The following ZBTB10 variants were observed in gnomAD, a reference collection of about 807,000 sequenced individuals.
The protein encoded by ZBTB10 is zinc finger and BTB domain-containing protein 10.
In ZBTB10, 32 loss-of-function variants were observed where a neutral mutation model predicts 76.4. The observed-to-expected ratio is 0.42, with a 90% CI of 0.32 to 0.56. ZBTB10 has a LOEUF of 0.56. ZBTB10 is among the 20% of genes least tolerant of loss of function. ZBTB10 has a pLI of 0.14. For synonymous variants in ZBTB10, 523 were observed against 432.9 expected (o/e 1.21, Z -2.58); for missense variants, 1,057 against 1,098.5 (o/e 0.96, Z 0.53).
At chr8:80,506,346 A>G (rs1470473586) in intron 2 of ZBTB10, among the ~76,000 whole-genome samples, 1 of 149,744 alleles carries the variant, frequency 6.7e-6, no homozygotes, top group Non-Finnish European at 1.5e-5. Context: ...ATAGAGTTTC[A>G]CTCTTGTTGC....
In ZBTB10 at chr8:80,487,615, C is replaced by T. The variant is rs760132755; in HGVS notation, c.805C>T (p.Leu269Phe). 143 of 1,613,810 alleles carry T rather than the reference C, an allele frequency of 8.9e-5. No individual in the cohort carries two copies. The highest frequency in any genetic ancestry group is 1.2e-4 in the Non-Finnish European group (137 of 1,179,850). ...GCTGCGCTATTCCAAGGATACTGGTCTTATGTCTTGCGGCTGGTGCCAAAA... is the reference window on the plus strand; with the variant it reads ...GCTGCGCTATTCCAAGGATACTGGTTTTATGTCTTGCGGCTGGTGCCAAAA... ...PWLRYSKDTGLMSCGWCQKTP... is the reference protein window; with the variant it reads ...PWLRYSKDTGFMSCGWCQKTP... The change falls in exon 1 of 6, where the codon CTT (leucine) becomes TTT (phenylalanine). Residue 269 changes from leucine to phenylalanine, a missense_variant. This residue lies in a region of ZBTB10 where 556 missense variants were observed against 451.7 expected (regional missense o/e 1.23). Coordinates refer to ENST00000455036, the MANE Select transcript of ZBTB10 (RefSeq NM_001105539.3).
intron 1 of ZBTB10, among the ~76,000 whole-genome samples, chr8:80,488,300 A>C (rs1156601096): frequency 1.3e-5 from 2 of 152,234 alleles, no homozygotes; most frequent in African/African-American, 4.8e-5. Context: ...AAATAATGTC[A>C]AGTATGAGAG....
At chr8:80,490,385 G>T (rs554275810) in intron 1 of ZBTB10, among the ~76,000 whole-genome samples, 1 of 152,128 alleles carries the variant, frequency 6.6e-6, no homozygotes, top group South Asian at 2.1e-4. Flanking sequence ...ACAGGTGCGC[G>T]CCACCATTCC....
chr8:80,485,995 C>T, upstream of ZBTB10: 3 of 1,161,910 alleles, frequency 2.6e-6, no homozygotes, highest in South Asian at 4.6e-5. Flanking sequence ...GACCCCCAGC[C>T]CGCCGCCCGG....
At chr8:80,493,193 A>ATGCGCGCGCGCG (rs1491520799) in intron 1 of ZBTB10, among the ~76,000 whole-genome samples, 53 of 124,388 alleles carry the variant, frequency 4.3e-4, no homozygotes, top group African/African-American at 6.8e-4. Context: ...GTGCCTCAAA[A>ATGCGCGCGCGCG]CGCGCGCGCG....
intron 2 of ZBTB10, among the ~76,000 whole-genome samples, chr8:80,508,022 A>T (rs886808816): frequency 6.6e-6 from 1 of 152,250 alleles, no homozygotes; most frequent in African/African-American, 2.4e-5. Flanking sequence ...GTGAAATAGT[A>T]GTCTGCCACT....
rs1309504694 is a variant in ZBTB10 at position 80,520,302 on chromosome 8, G to A, written c.*774G>A. On this transcript the variant is annotated 3_prime_UTR_variant, in exon 6 of 6. Transcript: ENST00000455036. ...CCACTAAAATGATTATGATTTAGAA[G>A]TAACTTTCTTCTGCTGCTCTAATCT... The A allele has an allele frequency of 6.6e-6, 1 of 152,606 alleles. No individual in the cohort carries two copies. Among genetic ancestry groups the A allele is most frequent in the South Asian group, 2.1e-4 (1 of 4,822 alleles). 9.5% of individuals were successfully genotyped at this position (152,606 alleles called of 1,614,324 possible).
At chr8:80,510,800 G>C (rs1310667754) in intron 2 of ZBTB10, among the ~76,000 whole-genome samples, 1 of 152,148 alleles carries the variant, frequency 6.6e-6, no homozygotes, top group African/African-American at 2.4e-5. Context: ...TTTAAATGAA[G>C]CATAAGATTC....
At chr8:80,499,019 A>G (rs1463485341) in intron 1 of ZBTB10, among the ~76,000 whole-genome samples, 1 of 152,238 alleles carries the variant, frequency 6.6e-6, no homozygotes, top group Admixed American at 6.5e-5. Flanking sequence ...AATGTTTGCC[A>G]AGACTTAAAA....
rs1815450097 is a variant in ZBTB10 at position 80,486,387 on chromosome 8, G to A, written c.-424G>A. The A allele has an allele frequency of 7.1e-6, 7 of 990,476 alleles. No homozygotes were observed. Among genetic ancestry groups the A allele is most frequent in the Non-Finnish European group, 8.4e-6 (7 of 834,138 alleles). The allele number at this position is 990,476 out of a possible 1,614,324, so 61.4% of individuals were successfully genotyped here. On this transcript the variant is annotated 5_prime_UTR_variant, in exon 1 of 6. Coordinates refer to ENST00000455036, the MANE Select transcript of ZBTB10 (RefSeq NM_001105539.3). Reference sequence around the variant, plus strand: ...CGGGACTCCTCGGCGCGCGGAGGAAGGATATCTGTGTGGAGGATCGGTGTG... The same window carrying A: ...CGGGACTCCTCGGCGCGCGGAGGAAAGATATCTGTGTGGAGGATCGGTGTG...
intron 2 of ZBTB10, among the ~76,000 whole-genome samples, chr8:80,505,208 C>G: frequency 6.6e-6 from 1 of 152,114 alleles, no homozygotes; most frequent in Non-Finnish European, 1.5e-5. Flanking sequence ...TTAATTGGCT[C>G]TAAGATACAA....
At chr8:80,506,510 GT>G (rs576909508) in intron 2 of ZBTB10, among the ~76,000 whole-genome samples, 2 of 149,294 alleles carry the variant, frequency 1.3e-5, no homozygotes, top group African/African-American at 2.5e-5. Flanking sequence ...GACGAGACGG[GT>G]TTTTTTCATG....
Position 80,486,826 on chromosome 8 carries a change from A to G in ZBTB10, c.16A>G (p.Met6Val). The change falls in exon 1 of 6, where the codon ATG becomes GTG. Residue 6 changes from methionine (M) to valine (V), a missense_variant. By Grantham distance (21) the Met-to-Val change is conservative. Around this residue, in one of 5 missense-constraint regions of ZBTB10, gnomAD observed 556 missense variants for 451.7 expected, o/e 1.23. Coordinates refer to ENST00000455036, the MANE Select transcript of ZBTB10 (RefSeq NM_001105539.3). MSFSEMNRRTLAFRGG... is the reference protein window; with the variant it reads MSFSEVNRRTLAFRGG... ...GGCGCGCGCCATGTCGTTCAGTGAAATGAACCGCAGGACGCTGGCGTTCCG... is the reference window on the plus strand; with the variant it reads ...GGCGCGCGCCATGTCGTTCAGTGAAGTGAACCGCAGGACGCTGGCGTTCCG... 6.7e-7 allele frequency: 1 copy of G among 1,483,252 alleles called. No homozygotes were observed. The highest frequency in any genetic ancestry group is 8.9e-7 in the Non-Finnish European group (1 of 1,119,926). 91.9% of individuals were successfully genotyped at this position (1,483,252 alleles called of 1,614,324 possible).
intron 1 of ZBTB10, among the ~76,000 whole-genome samples, chr8:80,496,818 T>A (rs2131484609): frequency 6.6e-6 from 1 of 152,342 alleles, no homozygotes; most frequent in East Asian, 1.9e-4. Context: ...AAACAGTTCA[T>A]AGATATATGC....
At chr8:80,503,945 A>G (rs191970667) in intron 2 of ZBTB10, among the ~76,000 whole-genome samples, 93 of 152,342 alleles carry the variant, frequency 6.1e-4, no homozygotes, top group African/African-American at 2.1e-3. Flanking sequence ...TCTTGTGATG[A>G]ATACACACAA....
At chr8:80,510,646 GTGT>G (rs367843588) in intron 2 of ZBTB10, among the ~76,000 whole-genome samples, 7,231 of 145,354 alleles carry the variant, frequency 0.05, 244 homozygotes, top group African/African-American at 0.083. Flanking sequence ...ACCAGTGTGT[GTGT>G]GTGTGTGTGT....
intron 2 of ZBTB10, 120 bp from the exon 3 acceptor site, chr8:80,513,790 G>A: frequency 2.7e-6 from 2 of 753,184 alleles, no homozygotes; most frequent in Non-Finnish European, 4.5e-6. Context: ...GAACACAGTA[G>A]ATAATTCATT....
In ZBTB10 at chr8:80,495,425, T is replaced by C. The variant is rs866341053; in HGVS notation, c.973-4069T>C. ...GTTTTTGTTTTGTTGTTTTTTTTTT[T>C]TTTAAATGCCGTCGCATTTACTTGA... On this transcript the variant is annotated intron_variant, in intron 1 of 5. Transcript: ENST00000455036. 5.3e-5 allele frequency among the ~76,000 whole-genome samples: 8 copies of C among 152,022 alleles called. 1 individual carries two copies. In the Middle Eastern group the frequency reaches 0.024, roughly 452 times the overall value.
At chr8:80,515,338 C>G (rs557147499) in intron 3 of ZBTB10, among the ~76,000 whole-genome samples, 20 of 152,264 alleles carry the variant, frequency 1.3e-4, no homozygotes, top group Admixed American at 1.3e-3. Flanking sequence ...TTGGTGAGAA[C>G]AGAGACAGTG....
Sources: gnomAD v4.1 joint callset for allele counts (sites outside exome capture counted in the v4.1 genomes callset) on GRCh38, gnomAD v4.1.1 for gene constraint, gnomAD v4.1.1 regional missense constraint, MANE v1.5 for transcripts, NCBI Gene and HGNC (gene_info 2026-07-23, HGNC 2026-07-21) for gene names.